The following MED13L variants were observed in gnomAD, a reference collection of about 807,000 sequenced individuals.
MED13L encodes mediator complex subunit 13L, also known as mediator of RNA polymerase II transcription subunit 13-like.
MED13L carries 7 observed loss-of-function variants against 220.9 expected under a neutral mutation model. The observed-to-expected ratio is 0.03, with a 90% CI of 0.02 to 0.06. MED13L has a LOEUF of 0.06. Ranked by LOEUF, MED13L falls within the 10% of genes least tolerant of loss-of-function variation. The probability of loss-of-function intolerance (pLI) is 1.00; values close to 1 mark genes in which losing one functional copy is unlikely to be tolerated. For synonymous variants in MED13L, 1,011 were observed against 1,015.2 expected (o/e 1.00, Z 0.08); for missense variants, 1,965 against 2,760.5 (o/e 0.71, Z 6.46).
intron 28 of MED13L, among the ~76,000 whole-genome samples, chr12:115,966,921 C>T (rs1876205027): frequency 6.6e-6 from 1 of 152,068 alleles, no homozygotes; most frequent in African/African-American, 2.4e-5. Context: ...CCTGTAATCC[C>T]AGCACTTTGT....
intron 25 of MED13L, among the ~76,000 whole-genome samples, chr12:115,973,169 A>T (rs1199646249): frequency 1.3e-5 from 2 of 152,220 alleles, no homozygotes; most frequent in African/African-American, 4.8e-5. Context: ...GTTTGTTTTA[A>T]AACTATGGGA....
intron 26 of MED13L, 98 bp from the exon 27 acceptor site, chr12:115,970,868 T>A: frequency 8.6e-7 from 1 of 1,167,972 alleles, no homozygotes; most frequent in Middle Eastern, 2.7e-4. Context: ...CTGATGAAAA[T>A]GCCATGATAA....
intron 25 of MED13L, 121 bp from the exon 26 acceptor site, chr12:115,972,357 T>C (rs2137230925): frequency 6.2e-6 from 7 of 1,123,366 alleles, no homozygotes; most frequent in East Asian, 2.5e-5. Flanking sequence ...AAGGGAATTA[T>C]GGCTTTACAT....
intron 2 of MED13L, among the ~76,000 whole-genome samples, chr12:116,180,338 C>T (rs1289045331): frequency 6.6e-6 from 1 of 152,202 alleles, no homozygotes; most frequent in East Asian, 1.9e-4. Flanking sequence ...AAAAATTCCA[C>T]ATTTGACCTC....
At chr12:115,963,604 A>G (rs1191107816) in intron 29 of MED13L, 85 bp from the exon 30 acceptor site, 2 of 1,012,908 alleles carry the variant, frequency 2.0e-6, no homozygotes, top group East Asian at 5.1e-5. Flanking sequence ...CCAGAAGCAG[A>G]TGCTCCCAAA....
intron 2 of MED13L, among the ~76,000 whole-genome samples, chr12:116,192,526 G>A (rs1002265201): frequency 1.3e-5 from 2 of 152,120 alleles, no homozygotes; most frequent in African/African-American, 4.8e-5. Flanking sequence ...TTTATTCTCT[G>A]TAACATCATA....
intron 4 of MED13L, among the ~76,000 whole-genome samples, chr12:116,071,686 A>C (rs545007061): frequency 6.6e-6 from 1 of 152,366 alleles, no homozygotes; most frequent in Admixed American, 6.5e-5. Context: ...TGATTAAACA[A>C]AACAAGCATT....
At chr12:116,009,235 A>G in intron 9 of MED13L, 103 bp from the exon 10 acceptor site, 1 of 1,122,872 alleles carries the variant, frequency 8.9e-7, no homozygotes, top group Non-Finnish European at 1.3e-6. Flanking sequence ...TAATACATAT[A>G]AAAGGGCTCT....
intron 2 of MED13L, among the ~76,000 whole-genome samples, chr12:116,223,580 T>C (rs915037476): frequency 6.6e-6 from 1 of 152,116 alleles, no homozygotes; most frequent in Admixed American, 6.5e-5. Context: ...GGTACGTGCC[T>C]GTAGTCCCAG....
At chr12:115,988,269 C>T (rs1376851814) in intron 17 of MED13L, among the ~76,000 whole-genome samples, 1 of 152,174 alleles carries the variant, frequency 6.6e-6, no homozygotes, top group African/African-American at 2.4e-5. Context: ...AAGTGGTGGT[C>T]CACAGAATAT....
chr12:116,169,586 A>G (rs890447375), intron 2 of MED13L, among the ~76,000 whole-genome samples: 10 of 152,228 alleles, frequency 6.6e-5, no homozygotes, highest in African/African-American at 2.2e-4. Context: ...CTGGCATCAC[A>G]TAAGTATGTA....
chr12:116,258,568 G>A (rs767233650), intron 1 of MED13L, among the ~76,000 whole-genome samples: 9 of 152,010 alleles, frequency 5.9e-5, no homozygotes, highest in Non-Finnish European at 1.0e-4. Flanking sequence ...CCTCAGGTCA[G>A]GAGTTCGAGA....
chr12:116,260,469 G>C (rs1355993539), intron 1 of MED13L, among the ~76,000 whole-genome samples: 1 of 152,156 alleles, frequency 6.6e-6, no homozygotes, highest in Non-Finnish European at 1.5e-5. Context: ...GGTATGGAGA[G>C]AGAGGCATGG....
chr12:116,023,387 A>T (rs1880179641), intron 4 of MED13L, among the ~76,000 whole-genome samples: 2 of 152,192 alleles, frequency 1.3e-5, no homozygotes, highest in Admixed American at 1.3e-4. Flanking sequence ...GCCATAACAC[A>T]TCTCCATTTC....
chr12:116,111,652 A>T, intron 2 of MED13L, 140 bp from the exon 3 acceptor site: 1 of 688,032 alleles, frequency 1.5e-6, no homozygotes, highest in South Asian at 1.7e-5. Context: ...TGAAACAGAG[A>T]GTGGAATTTA....
chr12:116,260,562 AT>A (rs1872435519), intron 1 of MED13L, among the ~76,000 whole-genome samples: 1 of 152,216 alleles, frequency 6.6e-6, no homozygotes, highest in African/African-American at 2.4e-5. Context: ...AACAAAAAAA[AT>A]ATTGTGCACT....
intron 4 of MED13L, among the ~76,000 whole-genome samples, chr12:116,040,739 C>G (rs992349439): frequency 6.0e-5 from 9 of 149,202 alleles, no homozygotes; most frequent in African/African-American, 2.2e-4. Flanking sequence ...GAATAGTATA[C>G]AGCATATAGA....
Position 115,975,655 on chromosome 12 carries a change from A to G in MED13L, c.5448T>C (p.Phe1816=). Residue 1816 remains phenylalanine, a synonymous_variant, in exon 24 of 31, where the codon TTT becomes TTC. Coordinates refer to ENST00000281928, the MANE Select transcript of MED13L (RefSeq NM_015335.5). The part of the protein sequence containing the change: ...KDKQTELGET[F]GEASQKYNVL... ...CATTGTATTTCTGGCTCGCCTCACC[A>G]AACGTCTCTCCCAGCTCTGTCTGCT... is the stretch of plus-strand genomic sequence containing the variant. 1 of 1,614,104 alleles carries G rather than the reference A, an allele frequency of 6.2e-7. No homozygotes were observed. The highest frequency in any genetic ancestry group is 8.5e-7 in the Non-Finnish European group (1 of 1,180,008).
intron 4 of MED13L, among the ~76,000 whole-genome samples, chr12:116,066,923 TTA>T (rs1408330827): frequency 2.6e-5 from 4 of 152,130 alleles, no homozygotes; most frequent in African/African-American, 9.7e-5. Context: ...ACTGACTCTA[TTA>T]AGTTTAACAA....
Sources: allele counts gnomAD v4.1 joint callset (sites outside exome capture counted in the v4.1 genomes callset), GRCh38; gene constraint gnomAD v4.1.1; transcripts MANE v1.5; gene names NCBI Gene and HGNC (gene_info 2026-07-23, HGNC 2026-07-21).